Variants in MDGA2 observed in about 807,000 individuals in gnomAD.
MDGA2 encodes MAM domain containing glycosylphosphatidylinositol anchor 2, also known as MAM domain-containing glycosylphosphatidylinositol anchor protein 2.
MDGA2 carries 40 observed loss-of-function variants against 117.8 expected under a neutral mutation model. The observed-to-expected ratio is 0.34, with a 90% CI of 0.26 to 0.44. The LOEUF is 0.44. MDGA2 is among the 20% of genes least tolerant of loss of function. The pLI, the probability that MDGA2 is intolerant of heterozygous loss-of-function variation, is 1.00. For missense variants in MDGA2, 1,123 were observed against 1,250.6 expected (o/e 0.90, Z 1.54); for synonymous variants, 452 against 439.0 (o/e 1.03, Z -0.37).
At chr14:47,046,492 C>T (rs1889270256) in intron 7 of MDGA2, among the ~76,000 whole-genome samples, 1 of 151,144 alleles carries the variant, frequency 6.6e-6, no homozygotes, top group Non-Finnish European at 1.5e-5. Context: ...CAGGGATATA[C>T]CTAATGTAAA....
chr14:47,645,345 G>C (rs11625935), intron 1 of MDGA2, among the ~76,000 whole-genome samples: 38,602 of 151,482 alleles, frequency 0.25, 5,952 homozygotes, highest in South Asian at 0.46. Context: ...CCGGGTTCAC[G>C]CCATTCTCCT....
intron 1 of MDGA2, among the ~76,000 whole-genome samples, chr14:47,469,052 G>T (rs537783781): frequency 3.2e-4 from 49 of 152,108 alleles, no homozygotes; most frequent in African/African-American, 9.9e-4. Context: ...TATATACGAT[G>T]ACCTACATAA....
chr14:47,611,428 A>T (rs1896846225), intron 1 of MDGA2, among the ~76,000 whole-genome samples: 1 of 152,180 alleles, frequency 6.6e-6, no homozygotes, highest in South Asian at 2.1e-4. Flanking sequence ...GACAACCCAC[A>T]GAGTGGGAGA....
intron 3 of MDGA2, among the ~76,000 whole-genome samples, chr14:47,144,815 A>ATTTTTTTTTTTTTTTTTTTT (rs60842690): frequency 7.7e-6 from 1 of 130,458 alleles, no homozygotes; most frequent in Non-Finnish European, 1.6e-5. Context: ...TGCCCGGCTA[A>ATTTTTTTTTTTTTTTTTTTT]TTTTTTTTTT....
chr14:47,445,188 T>C (rs569469167), intron 1 of MDGA2, among the ~76,000 whole-genome samples: 4 of 152,194 alleles, frequency 2.6e-5, no homozygotes, highest in South Asian at 2.1e-4. Context: ...TTCTCCATTT[T>C]TGAAGATAAG....
chr14:46,928,922 T>A (rs1884433032), intron 9 of MDGA2, among the ~76,000 whole-genome samples: 2 of 152,138 alleles, frequency 1.3e-5, no homozygotes, highest in Non-Finnish European at 2.9e-5. Flanking sequence ...GATTTAGACA[T>A]AATATAGTTG....
chr14:47,393,406 T>TA (rs11378535), intron 1 of MDGA2, among the ~76,000 whole-genome samples: 148,558 of 151,176 alleles, frequency 0.98, 73,050 homozygotes, highest in Non-Finnish European at 1. Flanking sequence ...TTGCAATTAT[T>TA]AAAAAAAATA....
chr14:46,892,184 A>G (rs926056911), intron 10 of MDGA2, among the ~76,000 whole-genome samples: 18 of 152,128 alleles, frequency 1.2e-4, no homozygotes, highest in South Asian at 4.1e-4. Context: ...AGACAAATGG[A>G]ACAGAGAGCC....
chr14:47,153,807 T>G (rs187540737), intron 3 of MDGA2, among the ~76,000 whole-genome samples: 3 of 150,852 alleles, frequency 2.0e-5, no homozygotes, highest in African/African-American at 7.3e-5. Flanking sequence ...AAATCAATAG[T>G]AAATAAAATA....
intron 8 of MDGA2, among the ~76,000 whole-genome samples, chr14:46,990,316 T>C (rs17117891): frequency 0.11 from 16,458 of 152,076 alleles, 1,053 homozygotes; most frequent in African/African-American, 0.18. Flanking sequence ...TTGTTTACTA[T>C]AGAAATTCAA....
intron 8 of MDGA2, among the ~76,000 whole-genome samples, chr14:46,975,728 T>C (rs971350217): frequency 1.3e-5 from 2 of 152,074 alleles, no homozygotes; most frequent in African/African-American, 4.8e-5. Flanking sequence ...TATTAAAAAA[T>C]ACCATAAATT....
chr14:46,997,385 A>C (rs1461554627), intron 8 of MDGA2, among the ~76,000 whole-genome samples: 1 of 152,164 alleles, frequency 6.6e-6, no homozygotes, highest in Non-Finnish European at 1.5e-5. Context: ...ATTGATAGAG[A>C]TGTATATACT....
chr14:46,845,855 A>G lies in MDGA2; in HGVS notation c.2900T>C (p.Ile967Thr), dbSNP rs1880816968. The G allele has an allele frequency of 2.5e-6, 4 of 1,612,470 alleles. No homozygotes were observed. The highest frequency in any genetic ancestry group is 3.4e-6 in the Non-Finnish European group (4 of 1,178,852). ...ITSFQLIFEG[I>T]RGPGIEGDIA... ...GTCACCTTCTATTCCAGGACCTCGG[A>G]TACCTTCAAAAATGAGCTACAAATA... Residue 967 changes from isoleucine (I) to threonine (T), a missense_variant, in exon 16 of 17, where the codon ATC becomes ACC. Physicochemically the swap from Ile to Thr is moderately conservative, Grantham distance 89. This residue lies in a region of MDGA2 where 890 missense variants were observed against 1,050.3 expected (regional missense o/e 0.85). Coordinates refer to ENST00000399232, the MANE Select transcript of MDGA2 (RefSeq NM_001113498.3).
At chr14:47,167,560 G>A (rs1284515080) in intron 3 of MDGA2, among the ~76,000 whole-genome samples, 1 of 152,100 alleles carries the variant, frequency 6.6e-6, no homozygotes, top group East Asian at 1.9e-4. Context: ...GCCAAAAGGA[G>A]CAGAAGGGAG....
At chr14:47,388,389 T>G (rs534335181) in intron 1 of MDGA2, among the ~76,000 whole-genome samples, 1 of 152,320 alleles carries the variant, frequency 6.6e-6, no homozygotes, top group African/African-American at 2.4e-5. Context: ...CAGACTCTAT[T>G]ATCCCAAATA....
chr14:47,345,241 G>C (rs992549328), intron 1 of MDGA2, among the ~76,000 whole-genome samples: 1 of 151,946 alleles, frequency 6.6e-6, no homozygotes, highest in Non-Finnish European at 1.5e-5. Flanking sequence ...GCTCTCCTTC[G>C]ATTTTATCCA....
chr14:47,007,756 C>T (rs991880909), intron 8 of MDGA2, among the ~76,000 whole-genome samples: 4 of 151,648 alleles, frequency 2.6e-5, no homozygotes, highest in Admixed American at 2.0e-4. Flanking sequence ...TTCTCTTGTC[C>T]CTCAATTATC....
intron 7 of MDGA2, among the ~76,000 whole-genome samples, chr14:47,040,362 G>A (rs1328410535): frequency 6.6e-6 from 1 of 151,810 alleles, no homozygotes; most frequent in Non-Finnish European, 1.5e-5. Context: ...TTTTTTTACT[G>A]ATTAAACAAT....
chr14:47,225,517 T>C (rs1297540983), intron 2 of MDGA2, among the ~76,000 whole-genome samples: 2 of 147,474 alleles, frequency 1.4e-5, no homozygotes, highest in Non-Finnish European at 3.0e-5. Flanking sequence ...TGTAGGGACA[T>C]GGATGAAATT....
Sources: allele counts gnomAD v4.1 joint callset (sites outside exome capture counted in the v4.1 genomes callset), GRCh38; gene constraint gnomAD v4.1.1; regional missense constraint gnomAD v4.1.1; transcripts MANE v1.5; gene names NCBI Gene and HGNC (gene_info 2026-07-23, HGNC 2026-07-21).